ATP10D: variants seen among roughly 807,000 people sequenced by gnomAD.
The protein encoded by ATP10D is ATPase phospholipid transporting 10D (putative).
A neutral mutation model predicts 144.8 loss-of-function variants in ATP10D; 89 were observed. That is an observed-to-expected ratio of 0.61 (90% CI 0.52 to 0.73). ATP10D has a LOEUF of 0.73. Among genes scored for constraint, ATP10D ranks in the 30% least tolerant of loss-of-function variants. ATP10D has a pLI of 0.00. For synonymous variants in ATP10D, 571 were observed against 615.1 expected (o/e 0.93, Z 1.06); for missense variants, 1,603 against 1,714.8 (o/e 0.93, Z 1.15).
rs947916369 is a variant in ATP10D, at chr4:47,593,455, T to A, written c.*2074T>A. 6.6e-6 allele frequency: 1 copy of A among 152,090 alleles called. No individual in the cohort carries two copies. The highest frequency in any genetic ancestry group is 2.4e-5 in the African/African-American group (1 of 41,428). The allele number at this position is 152,090 out of a possible 1,614,324, so 9.4% of individuals were successfully genotyped here. ...GTATTTCTTTTTAAAATTTGGAAAA[T>A]TTTTAATTCTGAAACACAATCTAGA... On this transcript the variant is annotated 3_prime_UTR_variant, in exon 23 of 23. Coordinates refer to ENST00000273859, the MANE Select transcript of ATP10D (RefSeq NM_020453.4).
At chr4:47,550,612 G>A (rs28535313) in intron 10 of ATP10D, among the ~76,000 whole-genome samples, 36,831 of 151,872 alleles carry the variant, frequency 0.24, 4,460 homozygotes, top group Admixed American at 0.3. Context: ...TTGGCCTCAC[G>A]GATTCCAAGG....
chr4:47,526,503 A>G (rs73237083), intron 5 of ATP10D, among the ~76,000 whole-genome samples: 38,771 of 152,094 alleles, frequency 0.25, 5,254 homozygotes, highest in South Asian at 0.31. Context: ...GAACAAGACA[A>G]GCTTACACTG....
At chr4:47,577,427 T>C (rs1239583878) in intron 19 of ATP10D, among the ~76,000 whole-genome samples, 3 of 152,230 alleles carry the variant, frequency 2.0e-5, no homozygotes, top group Non-Finnish European at 2.9e-5. Flanking sequence ...GAATAGGTTA[T>C]GTTTACTCTG....
chr4:47,538,492 A>G (rs62297979), intron 9 of ATP10D, among the ~76,000 whole-genome samples: 29,969 of 152,128 alleles, frequency 0.2, 3,520 homozygotes, highest in East Asian at 0.62. Context: ...GTTTTCTATC[A>G]CTGCATAACA....
intron 21 of ATP10D, among the ~76,000 whole-genome samples, chr4:47,584,830 T>A (rs1419710068): frequency 6.6e-6 from 1 of 152,256 alleles, no homozygotes; most frequent in Non-Finnish European, 1.5e-5. Context: ...AACATTTTTC[T>A]AGTTGTTTGT....
chr4:47,509,808 A>G (rs562966591), intron 1 of ATP10D, among the ~76,000 whole-genome samples: 1 of 152,164 alleles, frequency 6.6e-6, no homozygotes, highest in Admixed American at 6.5e-5. Context: ...CAACATGTAC[A>G]CTAACATTAG....
chr4:47,534,748 T>C (rs1190975721), intron 5 of ATP10D, among the ~76,000 whole-genome samples: 1 of 152,158 alleles, frequency 6.6e-6, no homozygotes, highest in African/African-American at 2.4e-5. Flanking sequence ...CTAAATACAG[T>C]TTATACTAGA....
intron 1 of ATP10D, among the ~76,000 whole-genome samples, chr4:47,507,239 A>T (rs1560413883): frequency 6.6e-6 from 1 of 152,216 alleles, no homozygotes; most frequent in East Asian, 1.9e-4. Flanking sequence ...CTTACTTAGG[A>T]CTTACTATGG....
chr4:47,495,326 A>G (rs879938627), intron 1 of ATP10D, among the ~76,000 whole-genome samples: 2 of 152,248 alleles, frequency 1.3e-5, no homozygotes, highest in East Asian at 3.9e-4. Context: ...TTAAAAAAAA[A>G]GGAAAGAAAA....
At chr4:47,572,339 T>A in intron 17 of ATP10D, 109 bp downstream of exon 17, 1 of 973,120 alleles carries the variant, frequency 1.0e-6, no homozygotes, top group Non-Finnish European at 1.6e-6. Flanking sequence ...TGTGGCTAGC[T>A]GAGGAGTGGG....
At chr4:47,573,044 A>T (rs1720048452) in intron 18 of ATP10D, 47 bp downstream of exon 18, 1 of 1,597,198 alleles carries the variant, frequency 6.3e-7, no homozygotes, top group Non-Finnish European at 8.6e-7. Flanking sequence ...GTACCTTCCA[A>T]GACTGTTGCA....
intron 1 of ATP10D, among the ~76,000 whole-genome samples, chr4:47,509,572 TAAC>T (rs1716204682): frequency 6.6e-6 from 1 of 152,246 alleles, no homozygotes; most frequent in African/African-American, 2.4e-5. Flanking sequence ...TCTACTCTCT[TAAC>T]AATTTTCAAG....
intron 1 of ATP10D, among the ~76,000 whole-genome samples, chr4:47,502,739 G>T (rs1299171260): frequency 6.7e-6 from 1 of 150,018 alleles, no homozygotes; most frequent in Non-Finnish European, 1.5e-5. Flanking sequence ...TTATTCTCAC[G>T]AGAGAACTGA....
chr4:47,531,053 G>T (rs943032960), intron 5 of ATP10D, among the ~76,000 whole-genome samples: 1 of 151,596 alleles, frequency 6.6e-6, no homozygotes, highest in African/African-American at 2.4e-5. Context: ...CCTCTGACTT[G>T]TTGGAATAGT....
chr4:47,545,988 A>G (rs1718401962), intron 9 of ATP10D, among the ~76,000 whole-genome samples: 2 of 152,210 alleles, frequency 1.3e-5, no homozygotes. Flanking sequence ...AAGAAGAGAC[A>G]GCAGGAGAAA....
chr4:47,579,952 A>G (rs1259005770), intron 19 of ATP10D, among the ~76,000 whole-genome samples: 1 of 152,178 alleles, frequency 6.6e-6, no homozygotes, highest in Non-Finnish European at 1.5e-5. Flanking sequence ...ATTTTGGAAG[A>G]TTGGATTGAG....
intron 4 of ATP10D, among the ~76,000 whole-genome samples, chr4:47,524,433 G>C (rs1340164025): frequency 6.6e-6 from 1 of 152,160 alleles, no homozygotes; most frequent in Non-Finnish European, 1.5e-5. Flanking sequence ...ACTTCTGTAA[G>C]TAGTCTGGTA....
intron 5 of ATP10D, 78 bp downstream of exon 5, chr4:47,525,720 T>G (rs916328528): frequency 8.3e-7 from 1 of 1,199,204 alleles, no homozygotes; most frequent in African/African-American, 1.5e-5. Flanking sequence ...ATAAAGTGTT[T>G]CTGTGCTTAT....
At chr4:47,551,083 G>A (rs897143337) in intron 10 of ATP10D, among the ~76,000 whole-genome samples, 1 of 152,196 alleles carries the variant, frequency 6.6e-6, no homozygotes, top group African/African-American at 2.4e-5. Context: ...TTTACCTCCT[G>A]TTTTTTGCCT....
Sources: allele counts gnomAD v4.1 joint callset (sites outside exome capture counted in the v4.1 genomes callset), GRCh38; gene constraint gnomAD v4.1.1; transcripts MANE v1.5; gene names NCBI Gene and HGNC (gene_info 2026-07-23, HGNC 2026-07-21).